Variants in USP33 observed in about 807,000 individuals in gnomAD.
USP33 encodes ubiquitin carboxyl-terminal hydrolase 33.
Under a neutral mutation model 124.2 loss-of-function variants are expected in USP33, and 46 were observed. The ratio of observed to expected loss-of-function variants is 0.37; its 90% CI spans 0.29 to 0.47. USP33 has a LOEUF of 0.47. USP33 is among the 20% of genes least tolerant of loss of function. USP33 has a pLI of 0.99. For synonymous variants in USP33, 350 were observed against 352.3 expected (o/e 0.99, Z 0.07); for missense variants, 851 against 1,070.6 (o/e 0.79, Z 2.86).
At position 77,701,655 on chromosome 1, in the gene USP33, A is replaced by C. The variant is rs528884070; in HGVS notation, c.2407-184T>G. On this transcript the variant is annotated intron_variant, in intron 21 of 23. Transcript: ENST00000370794. Reference sequence around the variant, plus strand: ...TCGTGAGAACATCTCTACAAAAAAAACATTATTTTTTATTTTTATTTATTT... The same window carrying C: ...TCGTGAGAACATCTCTACAAAAAAACCATTATTTTTTATTTTTATTTATTT... The C allele has an allele frequency of 4.4e-5, 21 of 480,648 alleles. 1 individual carries two copies. In the South Asian group the frequency reaches 6.0e-4, roughly 14 times the overall value. The allele number at this position is 480,648 out of a possible 1,614,324, so 29.8% of individuals were successfully genotyped here. A position where few individuals can be genotyped will look rare whatever the true frequency, so the allele number is the denominator to read the frequency against.
chr1:77,723,505 C>CT (rs1676810202), intron 11 of USP33, 62 bp from the exon 12 acceptor site: 3 of 1,082,248 alleles, frequency 2.8e-6, no homozygotes, highest in Non-Finnish European at 4.0e-6. Context: ...TCTCTGGAAT[C>CT]TTTTTTTGTC....
At chr1:77,730,408 C>A (rs1677672827) in intron 8 of USP33, among the ~76,000 whole-genome samples, 1 of 152,294 alleles carries the variant, frequency 6.6e-6, no homozygotes, top group East Asian at 1.9e-4. Flanking sequence ...TATCCAAATA[C>A]TTGTAGACTT....
intron 15 of USP33, 41 bp from the exon 16 acceptor site, chr1:77,718,682 A>G (rs894069305): frequency 1.8e-5 from 27 of 1,477,496 alleles, no homozygotes; most frequent in Non-Finnish European, 2.3e-5. Context: ...CTACAAAAAA[A>G]CTTAGTATAT....
intron 19 of USP33, 80 bp from the exon 20 acceptor site, chr1:77,713,361 A>G: frequency 8.4e-7 from 1 of 1,187,212 alleles, no homozygotes; most frequent in Non-Finnish European, 1.2e-6. Flanking sequence ...TTTTTTTAAC[A>G]GTAACTAAAT....
intron 21 of USP33, among the ~76,000 whole-genome samples, chr1:77,707,550 T>C (rs1399688097): frequency 2.0e-5 from 3 of 152,264 alleles, no homozygotes; most frequent in East Asian, 1.9e-4. Flanking sequence ...GATTAGAGTA[T>C]GGAAATATCT....
At chr1:77,732,922 T>C (rs1433586567) in intron 7 of USP33, among the ~76,000 whole-genome samples, 1 of 150,844 alleles carries the variant, frequency 6.6e-6, no homozygotes, top group Non-Finnish European at 1.5e-5. Flanking sequence ...GCCTCTCGAG[T>C]AGCTGGGATT....
chr1:77,739,418 CTATA>C lies in USP33; in HGVS notation c.199-5_199-2del, dbSNP rs756246043. On this transcript the variant is annotated splice_acceptor_variant and splice_polypyrimidine_tract_variant and intron_variant, in intron 4 of 23. Coordinates refer to ENST00000370794, the MANE Select transcript of USP33 (RefSeq NM_201624.3). LOFTEE classifies it high-confidence loss of function. The stretch of plus-strand genomic sequence containing the variant: ...TCACAGTTAGATAATGCTTTGTCTC[CTATA>C]TAATTTCACAGTAGAGGGAAAAGAG... The C allele has an allele frequency of 1.9e-6, 3 of 1,586,184 alleles. No individual in the cohort carries two copies. In the South Asian group the frequency reaches 3.5e-5, roughly 19 times the overall value.
At chr1:77,736,213 T>C in intron 5 of USP33, 55 bp from the exon 6 acceptor site, 1 of 1,238,350 alleles carries the variant, frequency 8.1e-7, no homozygotes, top group South Asian at 1.4e-5. Flanking sequence ...TTAAAAAAAG[T>C]TTTAATTGTA....
Position 77,759,805 on chromosome 1 carries a change from C to T in USP33, c.-214G>A. 2.5e-6 allele frequency: 1 copy of T among 397,454 alleles called. No individual in the cohort carries two copies. The highest frequency in any genetic ancestry group is 4.4e-6 in the Non-Finnish European group (1 of 225,296). 24.6% of individuals were successfully genotyped at this position (397,454 alleles called of 1,614,324 possible). A position where few individuals can be genotyped will look rare whatever the true frequency, so the allele number is the denominator to read the frequency against. Reference sequence around the variant, plus strand: ...GCGCTGCCCTCGGGGGGTCCGCCTCCTGAACTGGCCACTTCCCGCAGCAGC... The same window carrying T: ...GCGCTGCCCTCGGGGGGTCCGCCTCTTGAACTGGCCACTTCCCGCAGCAGC... On this transcript the variant is annotated 5_prime_UTR_variant, in exon 1 of 24. Coordinates refer to ENST00000370794, the MANE Select transcript of USP33 (RefSeq NM_201624.3).
intron 12 of USP33, among the ~76,000 whole-genome samples, chr1:77,722,585 G>T (rs528826414): frequency 1.3e-5 from 2 of 152,138 alleles, no homozygotes; most frequent in Admixed American, 1.3e-4. Context: ...TTTTAAAAGG[G>T]TGAGACAAAA....
chr1:77,708,151 C>T (rs1396575598), intron 21 of USP33, among the ~76,000 whole-genome samples: 1 of 152,104 alleles, frequency 6.6e-6, no homozygotes, highest in Non-Finnish European at 1.5e-5. Context: ...AAGGGGTAGG[C>T]TGTGCTCTAT....
chr1:77,721,034 A>G (rs988626172), intron 15 of USP33, 138 bp downstream of exon 15: 2 of 858,730 alleles, frequency 2.3e-6, no homozygotes. Flanking sequence ...AAAACAGCTA[A>G]TCTCTATTAT....
intron 5 of USP33, among the ~76,000 whole-genome samples, chr1:77,737,380 C>T (rs940860107): frequency 1.3e-5 from 2 of 152,216 alleles, no homozygotes; most frequent in African/African-American, 4.8e-5. Context: ...TAAAAAGATA[C>T]ATGCTCACTA....
At position 77,728,383 on chromosome 1, in the gene USP33, T is replaced by C. The variant is rs150723348; in HGVS notation, c.1047A>G (p.Glu349=). The C allele has an allele frequency of 2.5e-5, 41 of 1,613,986 alleles. No individual in the cohort carries two copies. In the African/African-American group the frequency reaches 4.5e-4, roughly 18 times the overall value. The part of the protein sequence containing the change: ...NKINKVNSEG[E]FDKDRDSISE... ...ATATAGAGTCTCTATCTTTATCAAATTCGCCTTCAGAATTTACTTTATTAA... is the reference window on the plus strand; with the variant it reads ...ATATAGAGTCTCTATCTTTATCAAACTCGCCTTCAGAATTTACTTTATTAA... Residue 349 remains glutamate, a synonymous_variant, in exon 10 of 24, where the codon GAA becomes GAG. Coordinates refer to ENST00000370794, the MANE Select transcript of USP33 (RefSeq NM_201624.3).
At chr1:77,710,365 A>G (rs1557819973) in intron 21 of USP33, among the ~76,000 whole-genome samples, 1 of 152,202 alleles carries the variant, frequency 6.6e-6, no homozygotes, top group African/African-American at 2.4e-5. Context: ...TCCTTTCAAT[A>G]GTAATGTACA....
chr1:77,719,276 T>C (rs541016528), intron 15 of USP33, among the ~76,000 whole-genome samples: 2 of 152,232 alleles, frequency 1.3e-5, no homozygotes, highest in South Asian at 2.1e-4. Context: ...GAGGAATCAC[T>C]TGAACCCAGG....
chr1:77,730,849 C>T, intron 7 of USP33, 118 bp from the exon 8 acceptor site: 1 of 567,250 alleles, frequency 1.8e-6, no homozygotes, highest in Non-Finnish European at 2.8e-6. Flanking sequence ...TTCTTTGATC[C>T]CTCTTACAGC....
chr1:77,740,354 C>CTTTT (rs772557695), intron 4 of USP33, among the ~76,000 whole-genome samples: 1 of 143,092 alleles, frequency 7.0e-6, no homozygotes, highest in Non-Finnish European at 1.5e-5. Flanking sequence ...TGGATATACA[C>CTTTT]TTTTTTTTTT....
chr1:77,721,508 G>A, intron 14 of USP33: 1 of 508,256 alleles, frequency 2.0e-6, no homozygotes. Context: ...GACCTTAAAT[G>A]ATATGGAGTA....
Sources: gnomAD v4.1 joint callset for allele counts (sites outside exome capture counted in the v4.1 genomes callset) on GRCh38, gnomAD v4.1.1 for gene constraint, MANE v1.5 for transcripts, NCBI Gene and HGNC (gene_info 2026-07-23, HGNC 2026-07-21) for gene names.